The following PLS1 variants were observed in gnomAD, a reference collection of about 807,000 sequenced individuals.
PLS1 encodes plastin-1.
In PLS1, 32 loss-of-function variants were observed where a neutral mutation model predicts 73.7. The ratio of observed to expected loss-of-function variants is 0.43; its 90% CI spans 0.33 to 0.58. PLS1 has a LOEUF of 0.58. PLS1 is among the 20% of genes least tolerant of loss of function. PLS1 has a pLI of 0.04. For missense variants in PLS1, 633 were observed against 740.5 expected, an observed-to-expected ratio of 0.85 and a Z score of 1.68; for synonymous variants, 217 against 261.3, an observed-to-expected ratio of 0.83 and a Z score of 1.63.
intron 1 of PLS1, among the ~76,000 whole-genome samples, chr3:142,603,481 A>G (rs889742542): frequency 6.6e-6 from 1 of 152,204 alleles, no homozygotes; most frequent in Non-Finnish European, 1.5e-5. Context: ...ATTCACAGCT[A>G]TAAAACTACG....
At chr3:142,668,663 G>A (rs1414092325) in intron 2 of PLS1, among the ~76,000 whole-genome samples, 3 of 150,966 alleles carry the variant, frequency 2.0e-5, no homozygotes, top group African/African-American at 7.3e-5. Context: ...GTACAGTGGC[G>A]CAATCTCGGC....
chr3:142,620,823 A>G (rs889943681), intron 1 of PLS1, among the ~76,000 whole-genome samples: 1 of 152,134 alleles, frequency 6.6e-6, no homozygotes, highest in African/African-American at 2.4e-5. Context: ...GTTCAAGACC[A>G]GCTGGCCAAC....
chr3:142,645,845 C>T (rs1312104730), intron 1 of PLS1, among the ~76,000 whole-genome samples: 2 of 152,106 alleles, frequency 1.3e-5, no homozygotes, highest in African/African-American at 4.8e-5. Context: ...ATCTTTTAAT[C>T]CATTCCCTGA....
intron 1 of PLS1, chr3:142,645,248 G>A (rs543513405): frequency 3.3e-5 from 5 of 152,182 alleles, no homozygotes; most frequent in African/African-American, 1.2e-4. Flanking sequence ...ATGAATCCTT[G>A]AAAAAACATG....
At chr3:142,634,650 T>G (rs1483212638) in intron 1 of PLS1, among the ~76,000 whole-genome samples, 1 of 151,392 alleles carries the variant, frequency 6.6e-6, no homozygotes, top group Non-Finnish European at 1.5e-5. Context: ...AAAATATACT[T>G]CAAAAAAAAA....
intron 14 of PLS1, among the ~76,000 whole-genome samples, chr3:142,705,859 C>T (rs1046144441): frequency 6.6e-6 from 1 of 151,860 alleles, no homozygotes; most frequent in East Asian, 1.9e-4. Context: ...TTGATTTCCA[C>T]CCCCCCTTTT....
intron 1 of PLS1, among the ~76,000 whole-genome samples, chr3:142,633,876 C>T (rs1307724753): frequency 6.6e-6 from 1 of 152,142 alleles, no homozygotes; most frequent in Non-Finnish European, 1.5e-5. Context: ...TCAATCAAAA[C>T]TGACCCAGAA....
chr3:142,678,949 T>C (rs1577881206), intron 6 of PLS1, among the ~76,000 whole-genome samples: 1 of 152,170 alleles, frequency 6.6e-6, no homozygotes, highest in African/African-American at 2.4e-5. Context: ...TTCCTGACTT[T>C]TTAATGATCG....
chr3:142,698,042 C>T lies in PLS1; in HGVS notation c.1346C>T (p.Pro449Leu). 1 of 1,604,144 alleles carries T rather than the reference C, an allele frequency of 6.2e-7. No homozygotes were observed. The highest frequency in any genetic ancestry group is 8.5e-7 in the Non-Finnish European group (1 of 1,170,978). The part of the protein sequence containing the change: ...NWSHVNKPPY[P>L]ALGGNMKKIE... Reference sequence around the variant, plus strand: ...AGCCATGTCAACAAACCTCCTTATCCTGCCCTTGGAGGGAACATGAAGAAG... The same window carrying T: ...AGCCATGTCAACAAACCTCCTTATCTTGCCCTTGGAGGGAACATGAAGAAG... The change falls in exon 12 of 16, where the codon CCT (proline) becomes CTT (leucine). Residue 449 changes from proline (P) to leucine (L), a missense_variant. Transcript: ENST00000457734.
chr3:142,647,455 T>G (rs1247763115), intron 1 of PLS1, among the ~76,000 whole-genome samples: 1 of 152,144 alleles, frequency 6.6e-6, no homozygotes, highest in Non-Finnish European at 1.5e-5. Flanking sequence ...AGCTGGGGTT[T>G]GCATCTTTTG....
chr3:142,636,554 A>G (rs548083045), intron 1 of PLS1, among the ~76,000 whole-genome samples: 2 of 152,378 alleles, frequency 1.3e-5, no homozygotes, highest in South Asian at 2.1e-4. Flanking sequence ...AGCATGGTCT[A>G]TGATAGAAAG....
intron 1 of PLS1, among the ~76,000 whole-genome samples, chr3:142,627,200 C>T (rs962571842): frequency 2.0e-5 from 3 of 152,062 alleles, no homozygotes; most frequent in Non-Finnish European, 2.9e-5. Flanking sequence ...ATCTGTTAAA[C>T]AGGGAGTTGG....
At chr3:142,656,724 C>A (rs2037245448) in intron 1 of PLS1, 1 of 151,824 alleles carries the variant, frequency 6.6e-6, no homozygotes, top group South Asian at 2.1e-4. Context: ...ATTTCAGTGA[C>A]CTTGTGATCT....
At chr3:142,676,357 C>T in intron 5 of PLS1, 68 bp downstream of exon 5, 2 of 1,433,532 alleles carry the variant, frequency 1.4e-6, no homozygotes, top group Middle Eastern at 1.8e-4. Flanking sequence ...TCCATGAAAA[C>T]TCCAATTCAG....
rs1311960476 is a variant in PLS1 at position 142,620,045 on chromosome 3, C to T, written c.-37+23536C>T. Among the ~76,000 whole-genome samples, 3 of 152,182 alleles carry T rather than the reference C, an allele frequency of 2.0e-5. No individual in the cohort carries two copies. The East Asian group carries it at 5.8e-4, about 29-fold the overall frequency. On this transcript the variant is annotated intron_variant, in intron 1 of 15. Coordinates refer to ENST00000457734, the MANE Select transcript of PLS1 (RefSeq NM_001145319.2). ...AGAATTACTCCTGGCTGCCCAGAAA[C>T]TCTCTGGTTGCTTTCCAGTTGCTGT...
chr3:142,688,622 T>G (rs2107905986), intron 9 of PLS1, among the ~76,000 whole-genome samples: 1 of 152,338 alleles, frequency 6.6e-6, no homozygotes, highest in East Asian at 1.9e-4. Context: ...TTATGTAGTT[T>G]CCCTTCATCC....
chr3:142,605,463 C>T (rs920007992), intron 1 of PLS1, among the ~76,000 whole-genome samples: 3 of 152,182 alleles, frequency 2.0e-5, no homozygotes, highest in South Asian at 2.1e-4. Flanking sequence ...TTTCGCCTCC[C>T]GGGTTCAAGT....
At position 142,704,635 on chromosome 3, in the gene PLS1, A is replaced by ATTTTTT. The variant is rs10631186; in HGVS notation, c.1629+74_1629+79dup. The ATTTTTT allele has an allele frequency of 2.9e-3, 761 of 261,834 alleles. 31 individuals are homozygous for ATTTTTT. Among genetic ancestry groups the ATTTTTT allele is most frequent in the Non-Finnish European group, 3.2e-3 (490 of 151,934 alleles). The allele number at this position is 261,834 out of a possible 1,614,324, so 16.2% of individuals were successfully genotyped here. On this transcript the variant is annotated intron_variant, in intron 14 of 15. Coordinates refer to ENST00000457734, the MANE Select transcript of PLS1 (RefSeq NM_001145319.2). The stretch of plus-strand genomic sequence containing the variant: ...TTTTTTTTTGTAGGTATAGGAAGGA[A>ATTTTTT]TTTTTTTTTTTTTTTTTTTTTTTTT...
At chr3:142,602,945 C>T (rs1159384162) in intron 1 of PLS1, among the ~76,000 whole-genome samples, 1 of 152,198 alleles carries the variant, frequency 6.6e-6, no homozygotes, top group Non-Finnish European at 1.5e-5. Flanking sequence ...CCTCAGCCTC[C>T]CAAAGTGTTG....
Sources: allele counts gnomAD v4.1 joint callset (sites outside exome capture counted in the v4.1 genomes callset), GRCh38; gene constraint gnomAD v4.1.1; transcripts MANE v1.5; gene names NCBI Gene and HGNC (gene_info 2026-07-23, HGNC 2026-07-21).